SUGCT: variants seen among roughly 807,000 people sequenced by gnomAD.
SUGCT encodes the protein succinyl-CoA:glutarate-CoA transferase, also known as succinyl-CoA:glutarate CoA-transferase.
In SUGCT, 41 loss-of-function variants were observed where a neutral mutation model predicts 55.0. The ratio of observed to expected loss-of-function variants is 0.74; its 90% confidence interval spans 0.58 to 0.97. The LOEUF is 0.97. SUGCT is among the 50% of genes least tolerant of loss of function. SUGCT has a pLI of 0.00. For synonymous variants in SUGCT, 187 were observed against 200.4 expected (o/e 0.93, Z 0.56); for missense variants, 568 against 547.8 (o/e 1.04, Z -0.37).
Position 40,513,570 on chromosome 7 carries a change from C to T in SUGCT, c.1089+17184C>T, listed in dbSNP as rs549965115. Among the ~76,000 whole-genome samples, 52 of 152,206 alleles carry T rather than the reference C, an allele frequency of 3.4e-4. No individual in the cohort carries two copies. The Middle Eastern group carries it at 0.014, about 40-fold the overall frequency. On this transcript the variant is annotated intron_variant, in intron 12 of 13. Coordinates refer to ENST00000335693, the MANE Select transcript of SUGCT (RefSeq NM_001193313.2). ...TAGGGGGAAGCCAGGACCTACCTAA[C>T]CTCAGGGATACTCTTGTACAGGAGC...
chr7:40,247,999 GTTTTTGTTTTTTTGTT>G (rs1790023486), intron 7 of SUGCT, among the ~76,000 whole-genome samples: 1 of 114,772 alleles, frequency 8.7e-6, no homozygotes, highest in Non-Finnish European at 1.7e-5. Flanking sequence ...TGATTCTTGT[GTTTTTGTTTTTTTGTT>G]TTTTTTTTTT....
chr7:40,760,765 G>C (rs926769127), intron 13 of SUGCT, among the ~76,000 whole-genome samples: 2 of 151,900 alleles, frequency 1.3e-5, no homozygotes, highest in African/African-American at 4.8e-5. Context: ...TCAAAGCCTG[G>C]TTTTGCAATT....
In SUGCT at chr7:40,362,775, G is replaced by A. The variant is rs185958856; in HGVS notation, c.816+45920G>A. Among the ~76,000 whole-genome samples the A allele has an allele frequency of 8.5e-5, 13 of 152,194 alleles. No homozygotes were observed. The East Asian group carries it at 2.5e-3, about 29-fold the overall frequency. Reference sequence around the variant, plus strand: ...CAGTGGTTTTTTTGTATATTCACAAGTTTGTACAGCTATCTCTATGATCTA... The same window carrying A: ...CAGTGGTTTTTTTGTATATTCACAAATTTGTACAGCTATCTCTATGATCTA... On this transcript the variant is annotated intron_variant, in intron 9 of 13. Coordinates refer to ENST00000335693, the MANE Select transcript of SUGCT (RefSeq NM_001193313.2).
the SUGCT span, among the ~76,000 whole-genome samples, chr7:40,972,941 T>C: frequency 6.6e-6 from 1 of 152,250 alleles, no homozygotes; most frequent in African/African-American, 2.4e-5. Context: ...CGTATAACTA[T>C]AGCTTTTCAC....
the SUGCT span, among the ~76,000 whole-genome samples, chr7:40,998,070 A>T: frequency 6.6e-6 from 1 of 152,024 alleles, no homozygotes; most frequent in South Asian, 2.1e-4. Flanking sequence ...TTAATTCCGG[A>T]ATGATTTTGA....
chr7:40,902,053 G>A, the SUGCT span, among the ~76,000 whole-genome samples: 5 of 152,224 alleles, frequency 3.3e-5, no homozygotes, highest in East Asian at 9.7e-4. Context: ...CTCAGAATTC[G>A]AGCACGTGAG....
chr7:40,862,858 T>A (rs1262683330), downstream of SUGCT, among the ~76,000 whole-genome samples: 1 of 152,020 alleles, frequency 6.6e-6, no homozygotes, highest in Non-Finnish European at 1.5e-5. Flanking sequence ...TGAATATTGA[T>A]CAACTTTGTG....
chr7:40,501,180 G>A (rs556697939), intron 12 of SUGCT, among the ~76,000 whole-genome samples: 30 of 152,236 alleles, frequency 2.0e-4, no homozygotes, highest in African/African-American at 7.0e-4. Context: ...GTGTGTCTCT[G>A]AATATACATG....
intron 13 of SUGCT, among the ~76,000 whole-genome samples, chr7:40,831,223 C>T (rs1295138332): frequency 6.6e-6 from 1 of 152,054 alleles, no homozygotes; most frequent in African/African-American, 2.4e-5. Context: ...GTAGGCTCAC[C>T]CAATGTTTGC....
intron 8 of SUGCT, among the ~76,000 whole-genome samples, chr7:40,306,055 C>A (rs10251283): frequency 0.56 from 84,379 of 151,952 alleles, 24,974 homozygotes; most frequent in Non-Finnish European, 0.67. Flanking sequence ...TATCTCTCCT[C>A]TCCTTTTTAC....
At chr7:40,209,789 C>CT (rs1326957028) in intron 6 of SUGCT, among the ~76,000 whole-genome samples, 1 of 151,932 alleles carries the variant, frequency 6.6e-6, no homozygotes, top group Non-Finnish European at 1.5e-5. Flanking sequence ...GAGTGAGACT[C>CT]TATCTCAAAA....
At chr7:40,256,525 A>C (rs1267763375) in intron 7 of SUGCT, among the ~76,000 whole-genome samples, 2 of 152,170 alleles carry the variant, frequency 1.3e-5, no homozygotes. Context: ...AAATTTTCTC[A>C]TCTAAATAAT....
At chr7:40,985,615 T>G in the SUGCT span, among the ~76,000 whole-genome samples, 1 of 152,134 alleles carries the variant, frequency 6.6e-6, no homozygotes, top group Non-Finnish European at 1.5e-5. Flanking sequence ...TTGGGACATA[T>G]GAAGTTCAGG....
chr7:40,270,287 T>G (rs1488759606), intron 7 of SUGCT, among the ~76,000 whole-genome samples: 1 of 152,168 alleles, frequency 6.6e-6, no homozygotes, highest in Non-Finnish European at 1.5e-5. Context: ...TCCAATTTAT[T>G]TTTTCTTTTG....
intron 9 of SUGCT, among the ~76,000 whole-genome samples, chr7:40,328,777 A>G (rs1299724156): frequency 5.3e-5 from 8 of 151,756 alleles, no homozygotes; most frequent in Non-Finnish European, 8.8e-5. Flanking sequence ...GTGTATGTGT[A>G]TGTGTTTTGG....
chr7:40,765,852 C>T (rs1394309197), intron 13 of SUGCT, among the ~76,000 whole-genome samples: 3 of 152,186 alleles, frequency 2.0e-5, no homozygotes, highest in African/African-American at 7.2e-5. Context: ...CAGGGAAACC[C>T]TCTGACCACA....
At chr7:40,202,127 C>T (rs1584328868) in intron 6 of SUGCT, among the ~76,000 whole-genome samples, 3 of 152,240 alleles carry the variant, frequency 2.0e-5, no homozygotes, top group African/African-American at 7.2e-5. Flanking sequence ...TGCATGCCAC[C>T]ACGCCCGGAT....
chr7:40,522,890 AT>A (rs1372647959), intron 12 of SUGCT, among the ~76,000 whole-genome samples: 2 of 152,096 alleles, frequency 1.3e-5, no homozygotes, highest in African/African-American at 2.4e-5. Flanking sequence ...ACTGACAAAT[AT>A]TTTGCTAACT....
chr7:40,324,639 A>G (rs1331373702), intron 9 of SUGCT, among the ~76,000 whole-genome samples: 1 of 152,088 alleles, frequency 6.6e-6, no homozygotes, highest in East Asian at 1.9e-4. Context: ...TCCTATTTCT[A>G]TATGTGCTAC....
Sources: allele counts gnomAD v4.1 joint callset (sites outside exome capture counted in the v4.1 genomes callset), GRCh38; gene constraint gnomAD v4.1.1; transcripts MANE v1.5; gene names NCBI Gene and HGNC (gene_info 2026-07-23, HGNC 2026-07-21).